The following HMGCLL1 variants were observed in gnomAD, a reference collection of about 807,000 sequenced individuals.
HMGCLL1 encodes the protein 3-hydroxymethyl-3-methylglutaryl-CoA lyase, cytoplasmic.
HMGCLL1 carries 36 observed loss-of-function variants against 39.1 expected under a neutral mutation model. That is an observed-to-expected ratio of 0.92 (90% CI 0.71 to 1.22). The LOEUF is 1.22. Among genes scored for constraint, HMGCLL1 ranks in the 50% most tolerant of loss-of-function variants. The pLI, the probability that HMGCLL1 is intolerant of heterozygous loss-of-function variation, is 0.00. For synonymous variants in HMGCLL1, 149 were observed against 144.0 expected, an observed-to-expected ratio of 1.03 and a Z score of -0.25; for missense variants, 451 against 416.5, an observed-to-expected ratio of 1.08 and a Z score of -0.72.
intron 7 of HMGCLL1, among the ~76,000 whole-genome samples, chr6:55,477,993 T>C (rs1765546438): frequency 6.6e-6 from 1 of 151,178 alleles, no homozygotes; most frequent in African/African-American, 2.4e-5. Context: ...AATTACTTGC[T>C]TATTTTACAT....
chr6:55,567,080 G>A (rs1160374890), intron 1 of HMGCLL1, among the ~76,000 whole-genome samples: 1 of 151,926 alleles, frequency 6.6e-6, no homozygotes, highest in Non-Finnish European at 1.5e-5. Flanking sequence ...CAACATACCA[G>A]TGCTAATATT....
the HMGCLL1 span, among the ~76,000 whole-genome samples, chr6:55,641,277 T>C: frequency 1.3e-5 from 2 of 151,842 alleles, no homozygotes; most frequent in African/African-American, 4.8e-5. Flanking sequence ...ATGTGTTGTA[T>C]AATTTCTTAT....
In HMGCLL1 at chr6:55,477,222, T is replaced by TATATA. The variant is rs1220268881; in HGVS notation, c.795+18192_795+18196dup. On this transcript the variant is annotated intron_variant, in intron 7 of 8. Transcript: ENST00000274901. ...TTATATAATATATATTATATTATAATATATAATATATATTATATTTATATA... is the reference window on the plus strand; with the variant it reads ...TTATATAATATATATTATATTATAATATATAATATAATATATATTATATTTATATA... Among the ~76,000 whole-genome samples, 32 of 11,374 alleles carry TATATA rather than the reference T, an allele frequency of 2.8e-3. 5 individuals are homozygous for TATATA. The highest frequency in any genetic ancestry group is 0.022 in the African/African-American group (22 of 982). The allele number at this position is 11,374 out of a possible 152,430, so 7.5% of individuals were successfully genotyped here. A position where few individuals can be genotyped will look rare whatever the true frequency, so the allele number is the denominator to read the frequency against.
At chr6:55,660,010 T>C in the HMGCLL1 span, among the ~76,000 whole-genome samples, 1 of 151,810 alleles carries the variant, frequency 6.6e-6, no homozygotes, top group Non-Finnish European at 1.5e-5. Context: ...TCCAGTGGGA[T>C]ACTACTAAAA....
At chr6:55,481,050 A>G (rs1765719284) in intron 7 of HMGCLL1, among the ~76,000 whole-genome samples, 1 of 152,086 alleles carries the variant, frequency 6.6e-6, no homozygotes, top group Non-Finnish European at 1.5e-5. Flanking sequence ...AATAAGATCT[A>G]GTATTTGATA....
At chr6:55,672,761 T>C in the HMGCLL1 span, among the ~76,000 whole-genome samples, 1 of 152,130 alleles carries the variant, frequency 6.6e-6, no homozygotes, top group South Asian at 2.1e-4. Context: ...CTACTCTTGA[T>C]AAGAGACTAT....
intron 1 of HMGCLL1, among the ~76,000 whole-genome samples, chr6:55,573,043 T>C (rs1467957383): frequency 6.6e-6 from 1 of 152,186 alleles, no homozygotes; most frequent in African/African-American, 2.4e-5. Flanking sequence ...GGAAATAGTT[T>C]GAATTCAGGT....
At chr6:55,503,362 G>T (rs1164076059) in intron 5 of HMGCLL1, among the ~76,000 whole-genome samples, 3 of 151,702 alleles carry the variant, frequency 2.0e-5, no homozygotes, top group Non-Finnish European at 4.4e-5. Flanking sequence ...TTTTTCCCAT[G>T]TAGATATTAA....
the HMGCLL1 span, among the ~76,000 whole-genome samples, chr6:55,658,534 C>T: frequency 6.6e-4 from 101 of 151,958 alleles, no homozygotes; most frequent in African/African-American, 2.3e-3. Context: ...GGACCGAGAT[C>T]TGAGAAGTGT....
intron 1 of HMGCLL1, chr6:55,577,065 T>A: frequency 6.2e-7 from 1 of 1,613,156 alleles, no homozygotes; most frequent in Non-Finnish European, 8.5e-7. Context: ...TGATGGGGCA[T>A]CTGGATATTT....
chr6:55,622,992 G>A, the HMGCLL1 span, among the ~76,000 whole-genome samples: 1 of 151,970 alleles, frequency 6.6e-6, no homozygotes, highest in Non-Finnish European at 1.5e-5. Flanking sequence ...ATCTTGGTAG[G>A]TTGTATATGT....
the HMGCLL1 span, among the ~76,000 whole-genome samples, chr6:55,592,487 TTTTCAACCTCAGCACTATTGACA>T: frequency 6.6e-6 from 1 of 152,052 alleles, no homozygotes; most frequent in South Asian, 2.1e-4. Flanking sequence ...AAAATGGTGT[TTTTCAACCTCAGCACTATTGACA>T]TTTTGGGCTT....
chr6:55,626,300 T>C, the HMGCLL1 span, among the ~76,000 whole-genome samples: 1 of 152,238 alleles, frequency 6.6e-6, no homozygotes, highest in South Asian at 2.1e-4. Context: ...TTATCCGCTG[T>C]CATGGTATTC....
chr6:55,577,274 C>A, intron 1 of HMGCLL1: 6 of 1,399,206 alleles, frequency 4.3e-6, no homozygotes, highest in South Asian at 1.4e-5. Context: ...GGAACTAAAA[C>A]AGAATTATTT....
Position 55,514,154 on chromosome 6 carries a change from A to T in HMGCLL1, c.436T>A (p.Ser146Thr). 6.2e-7 allele frequency: 1 copy of T among 1,612,092 alleles called. No homozygotes were observed. Among genetic ancestry groups the T allele is most frequent in the African/African-American group, 1.3e-5 (1 of 74,970 alleles). The change falls in exon 5 of 9, where the codon TCT (serine) becomes ACT (threonine). Residue 146 changes from serine to threonine, a missense_variant. Transcript: ENST00000274901. ...ATATTCTTCTTGCTAAAGGATTCAG[A>T]TGCAGCTCCAAAAACTGATATCTCA... ...ATEISVFGAASESFSKKNINC... is the reference protein window; with the variant it reads ...ATEISVFGAATESFSKKNINC...
chr6:55,584,292 A>C, the HMGCLL1 span, among the ~76,000 whole-genome samples: 2 of 152,110 alleles, frequency 1.3e-5, no homozygotes, highest in East Asian at 3.9e-4. Context: ...TCTATAAATA[A>C]AGACAGGGAA....
At chr6:55,473,109 C>T (rs1309069464) in intron 7 of HMGCLL1, among the ~76,000 whole-genome samples, 2 of 151,024 alleles carry the variant, frequency 1.3e-5, no homozygotes, top group African/African-American at 4.8e-5. Context: ...TTTTTCTATC[C>T]CTTTACTTTT....
At chr6:55,452,173 A>G (rs1581795070) in intron 7 of HMGCLL1, among the ~76,000 whole-genome samples, 1 of 152,146 alleles carries the variant, frequency 6.6e-6, no homozygotes, top group Non-Finnish European at 1.5e-5. Context: ...ATCACTACCT[A>G]TCTTGTTTTC....
the HMGCLL1 span, among the ~76,000 whole-genome samples, chr6:55,628,916 G>C: frequency 6.6e-6 from 1 of 152,120 alleles, no homozygotes; most frequent in Non-Finnish European, 1.5e-5. Context: ...ATGTGGAACT[G>C]TAAGTCCATT....
Sources: allele counts gnomAD v4.1 joint callset (sites outside exome capture counted in the v4.1 genomes callset), GRCh38; gene constraint gnomAD v4.1.1; transcripts MANE v1.5; gene names NCBI Gene and HGNC (gene_info 2026-07-23, HGNC 2026-07-21).